The following PTBP1 variants were observed in gnomAD, a reference collection of about 807,000 sequenced individuals.
PTBP1 encodes the protein polypyrimidine tract binding protein 1.
In PTBP1, 8 loss-of-function variants were observed where a neutral mutation model predicts 59.8. That is an observed-to-expected ratio of 0.13 (90% CI 0.08 to 0.24). The LOEUF is 0.24. Among genes scored for constraint, PTBP1 ranks in the 10% least tolerant of loss-of-function variants. The probability of loss-of-function intolerance (pLI) is 1.00; values close to 1 mark genes in which losing one functional copy is unlikely to be tolerated. For missense variants in PTBP1, 686 were observed against 767.0 expected (o/e 0.89, Z 1.25); for synonymous variants, 490 against 320.7 (o/e 1.53, Z -5.64).
At chr19:804,001 G>A in intron 3 of PTBP1, 35 bp from the exon 4 acceptor site, 2 of 1,612,970 alleles carry the variant, frequency 1.2e-6, no homozygotes, top group Non-Finnish European at 1.7e-6. Context: ...GCTCCTGCGA[G>A]TTGGTGCCTG....
At chr19:797,541 C>A in intron 1 of PTBP1, 36 bp downstream of exon 1, 1 of 1,473,284 alleles carries the variant, frequency 6.8e-7, no homozygotes, top group Non-Finnish European at 9.0e-7. Flanking sequence ...CACCGCCCTC[C>A]CCGCGCCGCA....
At chr19:799,481 C>T (rs1599216256) in intron 2 of PTBP1, 38 bp downstream of exon 2, 1 of 1,611,266 alleles carries the variant, frequency 6.2e-7, no homozygotes, top group Non-Finnish European at 8.5e-7. Context: ...TGACGCTCCT[C>T]TGACCTTGTG....
chr19:804,942 G>A lies in PTBP1; in HGVS notation c.717+3G>A. 6.2e-7 allele frequency: 1 copy of A among 1,613,478 alleles called. No homozygotes were observed. On this transcript the variant is annotated splice_donor_region_variant and intron_variant, in intron 7 of 14. Transcript: ENST00000356948. Reference sequence around the variant, plus strand: ...TGAGCGCCCAGCACGCCAAGCTGGTGAGTGGGGCTCCCGGGACGGCGCCCG... The same window carrying A: ...TGAGCGCCCAGCACGCCAAGCTGGTAAGTGGGGCTCCCGGGACGGCGCCCG...
In PTBP1 at chr19:808,335, A is replaced by G. The variant is rs764852135; in HGVS notation, c.1154-25A>G. Reference sequence around the variant, plus strand: ...GGGCGGGGCAGGCAGCAGGAGACTCAGGCCCCATCCCTGGGCTTTTGAAGG... The same window carrying G: ...GGGCGGGGCAGGCAGCAGGAGACTCGGGCCCCATCCCTGGGCTTTTGAAGG... On this transcript the variant is annotated intron_variant, in intron 11 of 14. Coordinates refer to ENST00000356948, the MANE Select transcript of PTBP1 (RefSeq NM_002819.5). This position sits in a 1 kb window ranked among gnomAD's most constrained non-coding sequence, Gnocchi z 4.7. The G allele has an allele frequency of 1.9e-6, 3 of 1,560,390 alleles. No individual in the cohort carries two copies. Among genetic ancestry groups the G allele is most frequent in the Admixed American group, 1.8e-5 (1 of 54,428 alleles).
rs545814372 is a variant in PTBP1, at chr19:799,524, C to T, written c.39+81C>T. The T allele has an allele frequency of 7.0e-6, 10 of 1,425,424 alleles. No homozygotes were observed. The African/African-American group carries it at 7.0e-5, about 10-fold the overall frequency. 88.3% of individuals were successfully genotyped at this position (1,425,424 alleles called of 1,614,324 possible). A position where few individuals can be genotyped will look rare whatever the true frequency, so the allele number is the denominator to read the frequency against. On this transcript the variant is annotated intron_variant, in intron 2 of 14. Transcript: ENST00000356948. Reference sequence around the variant, plus strand: ...CGGGGGCCACCCCCCAGCGCTGTTGCGTTGGCTAGAGGGCGCTTTTCCATT... The same window carrying T: ...CGGGGGCCACCCCCCAGCGCTGTTGTGTTGGCTAGAGGGCGCTTTTCCATT...
chr19:809,735 T>C (rs562697032), intron 13 of PTBP1, among the ~76,000 whole-genome samples: 2 of 151,834 alleles, frequency 1.3e-5, no homozygotes, highest in Non-Finnish European at 2.9e-5. Context: ...ACAGGAACAA[T>C]TGGTTAAAAT....
intron 10 of PTBP1, chr19:807,584 T>C (rs2034643467): frequency 2.3e-6 from 1 of 429,666 alleles, no homozygotes. Context: ...TTTCTTGCCC[T>C]GATCCGGAAT....
intron 7 of PTBP1, 25 bp downstream of exon 7, chr19:804,964 C>G: frequency 3.7e-6 from 6 of 1,612,358 alleles, no homozygotes; most frequent in Non-Finnish European, 5.1e-6. Flanking sequence ...CGGGACGGCG[C>G]CCGCCCTGGC....
intron 2 of PTBP1, among the ~76,000 whole-genome samples, chr19:801,232 A>C (rs1211121255): frequency 6.6e-6 from 1 of 152,170 alleles, no homozygotes; most frequent in Non-Finnish European, 1.5e-5. Context: ...CTCCTGGGGT[A>C]CCTGGCAGCT....
chr19:806,657 GTC>G, intron 10 of PTBP1, 101 bp downstream of exon 10: 1 of 1,203,664 alleles, frequency 8.3e-7, no homozygotes, highest in Non-Finnish European at 1.1e-6. Flanking sequence ...CCCTCGCTGT[GTC>G]TGCGCCTCTG....
intron 2 of PTBP1, among the ~76,000 whole-genome samples, chr19:800,007 A>G (rs928677458): frequency 3.3e-5 from 5 of 151,242 alleles, no homozygotes; most frequent in East Asian, 1.9e-4. Context: ...GCTCACTGCA[A>G]CCTCCACCTC....
At position 808,207 on chromosome 19, in the gene PTBP1, C is replaced by T; in HGVS notation, c.1154-153C>T. The T allele has an allele frequency of 1.5e-6, 1 of 688,414 alleles. No individual in the cohort carries two copies. Among genetic ancestry groups the T allele is most frequent in the South Asian group, 1.8e-5 (1 of 56,486 alleles). The allele number at this position is 688,414 out of a possible 1,614,324, so 42.6% of individuals were successfully genotyped here. On this transcript the variant is annotated intron_variant, in intron 11 of 14. Coordinates refer to ENST00000356948, the MANE Select transcript of PTBP1 (RefSeq NM_002819.5). The surrounding 1 kb of genome is among the most constrained non-coding windows in gnomAD (Gnocchi z 4.7). ...AACGGAGCTGCTCCTGTTAGCGCGC[C>T]CTGTGGCTGCGAGACGCAGCTCCGC...
intron 1 of PTBP1, 52 bp from the exon 2 acceptor site, chr19:799,361 T>C: frequency 6.4e-7 from 1 of 1,573,528 alleles, no homozygotes; most frequent in Non-Finnish European, 8.7e-7. Flanking sequence ...TGGGTGCTCC[T>C]GCTGCTGAGT....
chr19:802,328 G>T (rs1395029177), intron 2 of PTBP1, among the ~76,000 whole-genome samples: 1 of 152,178 alleles, frequency 6.6e-6, no homozygotes. Flanking sequence ...AACGTGGGTG[G>T]AGGGGAGGCG....
Position 808,496 on chromosome 19 carries a change from G to A in PTBP1, c.1246+44G>A. The A allele has an allele frequency of 1.3e-6, 2 of 1,558,452 alleles. No individual in the cohort carries two copies. The highest frequency in any genetic ancestry group is 4.8e-5 in the East Asian group (2 of 41,750). On this transcript the variant is annotated intron_variant, in intron 12 of 14. Coordinates refer to ENST00000356948, the MANE Select transcript of PTBP1 (RefSeq NM_002819.5). This position sits in a 1 kb window ranked among gnomAD's most constrained non-coding sequence, Gnocchi z 4.7. ...CCCGGGGTGGAGGGGGCAGGGGCGGGGGCTGCGTTCCCTCTCGGGCGCCTG... is the reference window on the plus strand; with the variant it reads ...CCCGGGGTGGAGGGGGCAGGGGCGGAGGCTGCGTTCCCTCTCGGGCGCCTG...
chr19:808,868 T>G lies in PTBP1; in HGVS notation c.1463+106T>G. Reference sequence around the variant, plus strand: ...ACTTCTGGCGTTTCCAGAGTGCAGGTCGGGCACCTCTTACCCCAAACCTGA... The same window carrying G: ...ACTTCTGGCGTTTCCAGAGTGCAGGGCGGGCACCTCTTACCCCAAACCTGA... On this transcript the variant is annotated intron_variant, in intron 13 of 14. Coordinates refer to ENST00000356948, the MANE Select transcript of PTBP1 (RefSeq NM_002819.5). The surrounding 1 kb of genome is among the most constrained non-coding windows in gnomAD (Gnocchi z 4.7). 1 of 1,089,486 alleles carries G rather than the reference T, an allele frequency of 9.2e-7. No individual in the cohort carries two copies. Among genetic ancestry groups the G allele is most frequent in the Non-Finnish European group, 1.3e-6 (1 of 742,590 alleles). 67.5% of individuals were successfully genotyped at this position (1,089,486 alleles called of 1,614,324 possible).
At chr19:805,675 T>TGCCA in intron 9 of PTBP1, 106 bp downstream of exon 9, 1 of 946,494 alleles carries the variant, frequency 1.1e-6, no homozygotes, top group East Asian at 2.5e-5. Flanking sequence ...GGCACTCGAG[T>TGCCA]GCCAGGTCAG....
In PTBP1 at chr19:804,994, A is replaced by T; in HGVS notation, c.718-19A>T. The stretch of plus-strand genomic sequence containing the variant: ...CCTGGCCCTGGCCCGGCGACGTCTC[A>T]CGGTCCCTCTCCCCTCAGTCGCTGG... On this transcript the variant is annotated intron_variant, in intron 7 of 14. Coordinates refer to ENST00000356948, the MANE Select transcript of PTBP1 (RefSeq NM_002819.5). The T allele has an allele frequency of 6.2e-7, 1 of 1,612,708 alleles. No individual in the cohort carries two copies. Among genetic ancestry groups the T allele is most frequent in the Non-Finnish European group, 8.5e-7 (1 of 1,179,098 alleles).
At chr19:798,297 C>T (rs1426882661) in intron 1 of PTBP1, 1 of 152,138 alleles carries the variant, frequency 6.6e-6, no homozygotes, top group East Asian at 1.9e-4. Context: ...GGGCGGGCTT[C>T]CCTTGGGAGA....
Sources: allele counts gnomAD v4.1 joint callset (sites outside exome capture counted in the v4.1 genomes callset), GRCh38; gene constraint gnomAD v4.1.1; non-coding constraint Gnocchi (gnomAD v3.1); transcripts MANE v1.5; gene names NCBI Gene and HGNC (gene_info 2026-07-23, HGNC 2026-07-21).